The following SMOC2 variants were observed in gnomAD, a reference collection of about 807,000 sequenced individuals.
SMOC2 encodes SPARC-related modular calcium-binding protein 2.
Under a neutral mutation model 61.4 loss-of-function variants are expected in SMOC2, and 39 were observed. The ratio of observed to expected loss-of-function variants is 0.64; its 90% CI spans 0.49 to 0.83. The LOEUF is 0.83. SMOC2 is among the 40% of genes least tolerant of loss of function. The pLI is 0.00. For synonymous variants in SMOC2, 247 were observed against 239.9 expected (o/e 1.03, Z -0.27); for missense variants, 556 against 592.9 (o/e 0.94, Z 0.65).
At chr6:168,569,193 G>C (rs1317429435) in intron 7 of SMOC2, among the ~76,000 whole-genome samples, 1 of 152,158 alleles carries the variant, frequency 6.6e-6, no homozygotes, top group Non-Finnish European at 1.5e-5. Context: ...CCAGCAGCTG[G>C]TGTTGTCAAT....
At position 168,524,126 on chromosome 6, in the gene SMOC2, A is replaced by G. The variant is rs1272439204; in HGVS notation, c.257-2220A>G. 2.0e-5 allele frequency among the ~76,000 whole-genome samples: 3 copies of G among 152,196 alleles called. No homozygotes were observed. In the East Asian group the frequency reaches 5.8e-4, roughly 29 times the overall value. On this transcript the variant is annotated intron_variant, in intron 2 of 12. Coordinates refer to ENST00000356284, the MANE Select transcript of SMOC2 (RefSeq NM_001166412.2). ...GTTTCTGAGTGCTCATTCTCTGGCA[A>G]TTTTGTGCCTCTCGGTAGAATGGAC... is the stretch of plus-strand genomic sequence containing the variant.
intron 1 of SMOC2, among the ~76,000 whole-genome samples, chr6:168,489,347 T>G (rs570393767): frequency 5.4e-5 from 8 of 148,332 alleles, no homozygotes; most frequent in African/African-American, 1.8e-4. Flanking sequence ...TGTTTTAGAG[T>G]GAAATATATC....
intron 1 of SMOC2, among the ~76,000 whole-genome samples, chr6:168,447,628 G>A (rs1781359505): frequency 1.3e-5 from 2 of 152,116 alleles, no homozygotes. Flanking sequence ...CTTAACATTT[G>A]AGGTTCTTAG....
chr6:168,612,324 G>C lies in SMOC2; in HGVS notation c.907+4085G>C, dbSNP rs191931255. 2.9e-4 allele frequency among the ~76,000 whole-genome samples: 37 copies of C among 126,508 alleles called. 8 individuals are homozygous for C. The highest frequency in any genetic ancestry group is 9.3e-4 in the Admixed American group (12 of 12,844). 83.0% of individuals were successfully genotyped at this position (126,508 alleles called of 152,430 possible). ...TTACTCAAACAGCAGCGCTGGGTTC[G>C]TGATCTCCATCAGGGGAGAGGGTGA... is the stretch of plus-strand genomic sequence containing the variant. On this transcript the variant is annotated intron_variant, in intron 9 of 12. Transcript: ENST00000356284.
intron 4 of SMOC2, among the ~76,000 whole-genome samples, chr6:168,534,496 T>C (rs570018230): frequency 2.6e-5 from 4 of 152,370 alleles, no homozygotes; most frequent in Admixed American, 6.5e-5. Flanking sequence ...CCCTGGGTGA[T>C]GACTCCAGAG....
At chr6:168,487,519 T>C (rs921104384) in intron 1 of SMOC2, among the ~76,000 whole-genome samples, 6 of 152,200 alleles carry the variant, frequency 3.9e-5, no homozygotes, top group African/African-American at 1.4e-4. Context: ...TTTTTTCTTT[T>C]TTTGAGACGG....
intron 7 of SMOC2, among the ~76,000 whole-genome samples, chr6:168,580,366 T>C (rs987957174): frequency 2.6e-4 from 39 of 152,194 alleles, no homozygotes; most frequent in African/African-American, 9.4e-4. Flanking sequence ...GGAGAGGGCC[T>C]GGTCCTCAGA....
intron 11 of SMOC2, chr6:168,655,429 G>A: frequency 2.2e-6 from 1 of 456,480 alleles, no homozygotes; most frequent in Non-Finnish European, 4.4e-6. Flanking sequence ...CCAGAGCCCA[G>A]ATGTTCTTAG....
At chr6:168,526,501 A>C (rs777217249) in intron 3 of SMOC2, 49 bp downstream of exon 3, 3 of 1,507,576 alleles carry the variant, frequency 2.0e-6, no homozygotes, top group Non-Finnish European at 2.8e-6. Flanking sequence ...TTAGGGAGGG[A>C]GATGTGGAGC....
At chr6:168,550,719 C>T (rs975406295) in intron 7 of SMOC2, among the ~76,000 whole-genome samples, 4 of 152,172 alleles carry the variant, frequency 2.6e-5, no homozygotes, top group Non-Finnish European at 5.9e-5. Context: ...GCACACATGG[C>T]AGAAACATTT....
chr6:168,599,794 A>G (rs1785487252), intron 8 of SMOC2, among the ~76,000 whole-genome samples: 1 of 45,816 alleles, frequency 2.2e-5, no homozygotes, highest in Non-Finnish European at 3.8e-5. Context: ...AAACATACCC[A>G]CAGTCACACA....
intron 1 of SMOC2, among the ~76,000 whole-genome samples, chr6:168,471,564 T>C (rs956553732): frequency 1.3e-5 from 2 of 152,212 alleles, no homozygotes; most frequent in Non-Finnish European, 2.9e-5. Context: ...CTCACGGATA[T>C]ATACATGGAA....
intron 7 of SMOC2, among the ~76,000 whole-genome samples, chr6:168,597,030 C>T (rs548416724): frequency 4.7e-4 from 72 of 152,334 alleles, no homozygotes; most frequent in Middle Eastern, 3.4e-3. Context: ...GCATTGTCAT[C>T]GTGAAGACAC....
intron 7 of SMOC2, among the ~76,000 whole-genome samples, chr6:168,586,089 C>G (rs1293216996): frequency 6.6e-6 from 1 of 152,068 alleles, no homozygotes; most frequent in Non-Finnish European, 1.5e-5. Flanking sequence ...ATAATAGTCT[C>G]CATATTTTCT....
At chr6:168,474,055 G>A (rs1328195437) in intron 1 of SMOC2, among the ~76,000 whole-genome samples, 1 of 152,140 alleles carries the variant, frequency 6.6e-6, no homozygotes, top group African/African-American at 2.4e-5. Context: ...GCAGGCTTGT[G>A]TGAGGGCTCA....
chr6:168,664,883 G>A lies in SMOC2; in HGVS notation c.1323+772G>A, dbSNP rs1302312204. Reference sequence around the variant, plus strand: ...CTTCTTTGCTGCCGCGAGTCAATTTGTGATTTATTTTGTCTGCACCTGTTT... The same window carrying A: ...CTTCTTTGCTGCCGCGAGTCAATTTATGATTTATTTTGTCTGCACCTGTTT... On this transcript the variant is annotated intron_variant, in intron 12 of 12. Coordinates refer to ENST00000356284, the MANE Select transcript of SMOC2 (RefSeq NM_001166412.2). 16 of 463,706 alleles carry A rather than the reference G, an allele frequency of 3.5e-5. No homozygotes were observed. The East Asian group carries it at 8.4e-4, about 24-fold the overall frequency. The allele number at this position is 463,706 out of a possible 1,614,324, so 28.7% of individuals were successfully genotyped here. A position where few individuals can be genotyped will look rare whatever the true frequency, so the allele number is the denominator to read the frequency against.
intron 1 of SMOC2, among the ~76,000 whole-genome samples, chr6:168,507,027 A>G (rs1782886704): frequency 6.6e-6 from 1 of 152,246 alleles, no homozygotes; most frequent in Non-Finnish European, 1.5e-5. Flanking sequence ...ATGTTCTCTT[A>G]TCCCTGAGAA....
rs1475969062 is a variant in SMOC2 at position 168,498,544 on chromosome 6, G to A, written c.85-11371G>A. 2.0e-5 allele frequency among the ~76,000 whole-genome samples: 3 copies of A among 152,226 alleles called. No individual in the cohort carries two copies. In the East Asian group the frequency reaches 5.8e-4, roughly 29 times the overall value. Reference sequence around the variant, plus strand: ...CAGTAAAAGAGGTCAGGTCATTGGGGTTGTCTGTGTCCCTGGAATGGTAGG... The same window carrying A: ...CAGTAAAAGAGGTCAGGTCATTGGGATTGTCTGTGTCCCTGGAATGGTAGG... On this transcript the variant is annotated intron_variant, in intron 1 of 12. Coordinates refer to ENST00000356284, the MANE Select transcript of SMOC2 (RefSeq NM_001166412.2).
In SMOC2 at chr6:168,563,383, T is replaced by C. The variant is rs188048533; in HGVS notation, c.637+14180T>C. Among the ~76,000 whole-genome samples the C allele has an allele frequency of 2.2e-4, 33 of 152,092 alleles. No homozygotes were observed. In the East Asian group the frequency reaches 6.0e-3, roughly 28 times the overall value. On this transcript the variant is annotated intron_variant, in intron 7 of 12. Coordinates refer to ENST00000356284, the MANE Select transcript of SMOC2 (RefSeq NM_001166412.2). ...GTGTATATGTGTACCTGTGTATGTA[T>C]ATAAAGTTTATATATATTTGTGTGC...
Sources: gnomAD v4.1 joint callset for allele counts (sites outside exome capture counted in the v4.1 genomes callset) on GRCh38, gnomAD v4.1.1 for gene constraint, MANE v1.5 for transcripts, NCBI Gene and HGNC (gene_info 2026-07-23, HGNC 2026-07-21) for gene names.